The following CDKAL1 variants were observed in gnomAD, a reference collection of about 807,000 sequenced individuals.
The protein encoded by CDKAL1 is CDKAL1 threonylcarbamoyladenosine tRNA methylthiotransferase.
In CDKAL1, 32 loss-of-function variants were observed where a neutral mutation model predicts 68.2. That is an observed-to-expected ratio of 0.47 (90% CI 0.35 to 0.63). CDKAL1 has a LOEUF of 0.63. Among genes scored for constraint, CDKAL1 ranks in the 30% least tolerant of loss-of-function variants. CDKAL1 has a pLI of 0.00. For missense variants in CDKAL1, 606 were observed against 696.7 expected (o/e 0.87, Z 1.47); for synonymous variants, 234 against 244.3 (o/e 0.96, Z 0.39).
chr6:20,890,320 A>C (rs1185095405), intron 9 of CDKAL1, among the ~76,000 whole-genome samples: 1 of 152,238 alleles, frequency 6.6e-6, no homozygotes. Flanking sequence ...AGCAAGATGC[A>C]TAAGAAGTGG....
chr6:20,595,281 A>G (rs1765771457), intron 4 of CDKAL1, among the ~76,000 whole-genome samples: 1 of 152,026 alleles, frequency 6.6e-6, no homozygotes, highest in East Asian at 1.9e-4. Context: ...ACTTGGTTCC[A>G]TTCTCCCCAT....
rs138046886 is a variant in CDKAL1 at position 20,848,625 on chromosome 6, G to A, written c.742+2447G>A. Reference sequence around the variant, plus strand: ...AGATTACTCTTATTAACATCAGTAAGATCTTTTTATTCCCAACCATGGAAT... The same window carrying A: ...AGATTACTCTTATTAACATCAGTAAAATCTTTTTATTCCCAACCATGGAAT... On this transcript the variant is annotated intron_variant, in intron 9 of 15. Coordinates refer to ENST00000274695, the MANE Select transcript of CDKAL1 (RefSeq NM_017774.3). Among the ~76,000 whole-genome samples the A allele has an allele frequency of 1.8e-4, 27 of 152,238 alleles. No homozygotes were observed. In the East Asian group the frequency reaches 5.0e-3, roughly 28 times the overall value.
At chr6:20,963,056 T>A (rs925491411) in intron 10 of CDKAL1, among the ~76,000 whole-genome samples, 8 of 152,208 alleles carry the variant, frequency 5.3e-5, no homozygotes, top group African/African-American at 1.9e-4. Flanking sequence ...CTCATATACA[T>A]TTTCTTTTTA....
chr6:20,879,472 A>G (rs894205158), intron 9 of CDKAL1, among the ~76,000 whole-genome samples: 8 of 152,204 alleles, frequency 5.3e-5, no homozygotes, highest in East Asian at 1.9e-4. Context: ...TAACTTTTCA[A>G]TACAACCTTT....
chr6:21,174,877 T>A (rs1386441433), intron 13 of CDKAL1, among the ~76,000 whole-genome samples: 1 of 152,130 alleles, frequency 6.6e-6, no homozygotes, highest in African/African-American at 2.4e-5. Context: ...ACAAGCCAAA[T>A]GTCTATTAAT....
At chr6:20,898,801 T>G (rs1761821872) in intron 9 of CDKAL1, among the ~76,000 whole-genome samples, 1 of 152,156 alleles carries the variant, frequency 6.6e-6, no homozygotes, top group African/African-American at 2.4e-5. Context: ...ATTTTATGAT[T>G]AAAGCTTTTA....
intron 13 of CDKAL1, among the ~76,000 whole-genome samples, chr6:21,139,713 G>T (rs886530186): frequency 2.0e-5 from 3 of 152,020 alleles, no homozygotes; most frequent in Non-Finnish European, 2.9e-5. Context: ...TCACTGTGTT[G>T]CCCAGGCTGG....
At chr6:20,714,378 C>CTTTTTTTTTTTTTTTTT (rs545162371) in intron 5 of CDKAL1, among the ~76,000 whole-genome samples, 1 of 72,722 alleles carries the variant, frequency 1.4e-5, no homozygotes, top group Non-Finnish European at 2.9e-5. Context: ...ATTGTCTGTT[C>CTTTTTTTTTTTTTTTTT]TTTTTTTTTT....
At chr6:21,200,513 G>T (rs1390224019) in intron 14 of CDKAL1, among the ~76,000 whole-genome samples, 1 of 152,148 alleles carries the variant, frequency 6.6e-6, no homozygotes, top group East Asian at 1.9e-4. Context: ...AAACACGCAG[G>T]CCTGTTTGAA....
At chr6:20,607,538 G>T (rs1306888003) in intron 4 of CDKAL1, among the ~76,000 whole-genome samples, 10 of 151,860 alleles carry the variant, frequency 6.6e-5, no homozygotes, top group Admixed American at 5.9e-4. Flanking sequence ...TATCAGGAGA[G>T]GGAGTGGTGG....
intron 7 of CDKAL1, among the ~76,000 whole-genome samples, chr6:20,767,824 C>T (rs1774767170): frequency 6.6e-6 from 1 of 152,072 alleles, no homozygotes; most frequent in African/African-American, 2.4e-5. Flanking sequence ...AAGTATACAG[C>T]AGAGATGTAG....
chr6:21,069,877 C>A (rs1771673845), intron 12 of CDKAL1, among the ~76,000 whole-genome samples: 1 of 149,020 alleles, frequency 6.7e-6, no homozygotes, highest in Non-Finnish European at 1.5e-5. Flanking sequence ...GCAAGCTCCG[C>A]CTCCCGGGTT....
chr6:20,635,195 G>T (rs1767850016), intron 4 of CDKAL1, among the ~76,000 whole-genome samples: 1 of 152,076 alleles, frequency 6.6e-6, no homozygotes, highest in Non-Finnish European at 1.5e-5. Flanking sequence ...GCTTTTGTGA[G>T]TAGATCTGGA....
intron 4 of CDKAL1, among the ~76,000 whole-genome samples, chr6:20,586,480 A>T (rs1312971347): frequency 6.6e-6 from 1 of 152,182 alleles, no homozygotes. Flanking sequence ...TCTACTAAAA[A>T]TACAAAAATT....
In CDKAL1 at chr6:20,539,263, G is replaced by A. The variant is rs1413582059; in HGVS notation, c.-6+3869G>A. Among the ~76,000 whole-genome samples the A allele has an allele frequency of 1.3e-5, 2 of 152,156 alleles. No individual in the cohort carries two copies. Among genetic ancestry groups the A allele is most frequent in the East Asian group, 1.9e-4 (1 of 5,202 alleles). On this transcript the variant is annotated intron_variant, in intron 2 of 15. Coordinates refer to ENST00000274695, the MANE Select transcript of CDKAL1 (RefSeq NM_017774.3). This position sits in a 1 kb window ranked among gnomAD's most constrained non-coding sequence, Gnocchi z 4.3. Reference sequence around the variant, plus strand: ...GAATATCTATATCCATATATTGCCCGACTGTGTAGTCTGCAGTAAAAGTAT... The same window carrying A: ...GAATATCTATATCCATATATTGCCCAACTGTGTAGTCTGCAGTAAAAGTAT...
At chr6:20,814,167 A>G (rs1776940707) in intron 8 of CDKAL1, among the ~76,000 whole-genome samples, 2 of 152,002 alleles carry the variant, frequency 1.3e-5, no homozygotes, top group South Asian at 2.1e-4. Flanking sequence ...TAACTATTTC[A>G]TATTTTGTCA....
At chr6:20,581,031 C>T (rs1262094480) in intron 4 of CDKAL1, among the ~76,000 whole-genome samples, 4 of 152,138 alleles carry the variant, frequency 2.6e-5, no homozygotes, top group African/African-American at 4.8e-5. Context: ...TCAGGTGATC[C>T]GCCCACCTTG....
chr6:21,100,283 C>T lies in CDKAL1; in HGVS notation c.1237-8118C>T, dbSNP rs373700456. 2.7e-4 allele frequency among the ~76,000 whole-genome samples: 41 copies of T among 152,200 alleles called. 1 individual carries two copies. In the East Asian group the frequency reaches 5.2e-3, roughly 19 times the overall value. ...TTGCTTGGTTATTTTATTTGAATAT[C>T]ATTACAGTTGGGTGAACAAATTCAC... is the stretch of plus-strand genomic sequence containing the variant. On this transcript the variant is annotated intron_variant, in intron 12 of 15. Coordinates refer to ENST00000274695, the MANE Select transcript of CDKAL1 (RefSeq NM_017774.3).
chr6:20,540,559 G>A (rs748256137), intron 2 of CDKAL1, among the ~76,000 whole-genome samples: 8 of 151,742 alleles, frequency 5.3e-5, no homozygotes, highest in African/African-American at 1.5e-4. Context: ...GGGTTCAAGC[G>A]GTTCTTCTGT....
Sources: allele counts gnomAD v4.1 joint callset (sites outside exome capture counted in the v4.1 genomes callset), GRCh38; gene constraint gnomAD v4.1.1; non-coding constraint Gnocchi (gnomAD v3.1); transcripts MANE v1.5; gene names NCBI Gene and HGNC (gene_info 2026-07-23, HGNC 2026-07-21).